Variants in DUSP6 observed in about 807,000 individuals in gnomAD.
DUSP6 encodes the protein dual specificity protein phosphatase 6.
Under a neutral mutation model 28.0 loss-of-function variants are expected in DUSP6, and 6 were observed. The ratio of observed to expected loss-of-function variants is 0.21; its 90% CI spans 0.12 to 0.42. The LOEUF is 0.42. DUSP6 is among the 10% of genes least tolerant of loss of function. The pLI is 1.00. For synonymous variants in DUSP6, 252 were observed against 217.5 expected, an observed-to-expected ratio of 1.16 and a Z score of -1.40; for missense variants, 451 against 498.1, an observed-to-expected ratio of 0.91 and a Z score of 0.90.
In DUSP6 at chr12:89,352,237, C is replaced by T. The variant is rs1879229055; in HGVS notation, c.-198G>A. On this transcript the variant is annotated 5_prime_UTR_variant, in exon 1 of 3. Coordinates refer to ENST00000279488, the MANE Select transcript of DUSP6 (RefSeq NM_001946.4). ...GGTTCTCTCTGCACCCAGCTGCAGC[C>T]GCTGGCTCTTAGTGTCAATGAATCT... is the stretch of plus-strand genomic sequence containing the variant. The T allele has an allele frequency of 2.9e-5, 21 of 728,100 alleles. No homozygotes were observed. The highest frequency in any genetic ancestry group is 4.0e-4 in the Middle Eastern group (1 of 2,486). 45.1% of individuals were successfully genotyped at this position (728,100 alleles called of 1,614,324 possible). A position where few individuals can be genotyped will look rare whatever the true frequency, so the allele number is the denominator to read the frequency against.
At chr12:89,351,133 C>A (rs1332541473) in intron 1 of DUSP6, 108 bp from the exon 2 acceptor site, 23 of 1,178,724 alleles carry the variant, frequency 2.0e-5, no homozygotes, top group Non-Finnish European at 2.6e-5. Context: ...TCCTACGAAC[C>A]CCCTACATAC....
intron 2 of DUSP6, among the ~76,000 whole-genome samples, chr12:89,349,831 G>A (rs1297587712): frequency 6.6e-6 from 1 of 152,228 alleles, no homozygotes; most frequent in African/African-American, 2.4e-5. Flanking sequence ...GCCTCGGCAT[G>A]TGAATACCAG....
At position 89,349,110 on chromosome 12, in the gene DUSP6, G is replaced by T; in HGVS notation, c.*144C>A. The T allele has an allele frequency of 1.2e-6, 1 of 843,284 alleles. No homozygotes were observed. The highest frequency in any genetic ancestry group is 1.8e-6 in the Non-Finnish European group (1 of 546,866). The allele number at this position is 843,284 out of a possible 1,614,324, so 52.2% of individuals were successfully genotyped here. A position where few individuals can be genotyped will look rare whatever the true frequency, so the allele number is the denominator to read the frequency against. ...CTCTCTGTTAGTATTAACCAATTCC[G>T]CACTTGGTAACCTTGTCTAGTACAG... On this transcript the variant is annotated 3_prime_UTR_variant, in exon 3 of 3. Coordinates refer to ENST00000279488, the MANE Select transcript of DUSP6 (RefSeq NM_001946.4).
At chr12:89,351,492 C>G in intron 1 of DUSP6, 148 bp downstream of exon 1, 1 of 1,332,862 alleles carries the variant, frequency 7.5e-7, no homozygotes, top group Non-Finnish European at 9.9e-7. Context: ...GTTCGCGGCC[C>G]CTACCTCGCC....
At chr12:89,351,458 C>T (rs1031560498) in intron 1 of DUSP6, 182 bp downstream of exon 1, 18 of 1,062,406 alleles carry the variant, frequency 1.7e-5, no homozygotes, top group Non-Finnish European at 2.4e-5. Flanking sequence ...TGAGCCGGCC[C>T]GGTTCTCTGG....
intron 2 of DUSP6, among the ~76,000 whole-genome samples, chr12:89,349,933 A>G (rs1879123670): frequency 6.6e-6 from 1 of 152,234 alleles, no homozygotes; most frequent in South Asian, 2.1e-4. Flanking sequence ...TGCAGCTAAC[A>G]ATGGAGGTAT....
intron 1 of DUSP6, 150 bp downstream of exon 1, chr12:89,351,490 C>A: frequency 7.6e-7 from 1 of 1,311,620 alleles, no homozygotes; most frequent in Non-Finnish European, 1.0e-6. Flanking sequence ...CGGTTCGCGG[C>A]CCCTACCTCG....
Position 89,352,149 on chromosome 12 carries a change from C to T in DUSP6, c.-110G>A. 1 of 1,488,566 alleles carries T rather than the reference C, an allele frequency of 6.7e-7. No individual in the cohort carries two copies. The highest frequency in any genetic ancestry group is 9.0e-7 in the Non-Finnish European group (1 of 1,110,406). The allele number at this position is 1,488,566 out of a possible 1,614,324, so 92.2% of individuals were successfully genotyped here. The stretch of plus-strand genomic sequence containing the variant: ...GCCGCTCTCGGAGCGGGGTTTAATT[C>T]CGCCTCGCCTTACCCAAGCCGAGGC... On this transcript the variant is annotated 5_prime_UTR_variant, in exon 1 of 3. Transcript: ENST00000279488.
In DUSP6 at chr12:89,352,339, T is replaced by C. The variant is rs1443253506; in HGVS notation, c.-300A>G. 2 of 409,578 alleles carry C rather than the reference T, an allele frequency of 4.9e-6. No homozygotes were observed. Among genetic ancestry groups the C allele is most frequent in the Non-Finnish European group, 8.9e-6 (2 of 224,744 alleles). The allele number at this position is 409,578 out of a possible 1,614,324, so 25.4% of individuals were successfully genotyped here. On this transcript the variant is annotated 5_prime_UTR_variant, in exon 1 of 3. Coordinates refer to ENST00000279488, the MANE Select transcript of DUSP6 (RefSeq NM_001946.4). ...CCAATTAATTCGGACTCCGTGCTAC[T>C]GAGAGGGGAGGAAAAAAAGTCTAGC...
At position 89,352,179 on chromosome 12, in the gene DUSP6, G is replaced by T. The variant is rs950062405; in HGVS notation, c.-140C>A. 2.3e-6 allele frequency: 3 copies of T among 1,316,544 alleles called. No individual in the cohort carries two copies. Among genetic ancestry groups the T allele is most frequent in the Middle Eastern group, 2.6e-4 (1 of 3,824 alleles). The allele number at this position is 1,316,544 out of a possible 1,614,324, so 81.6% of individuals were successfully genotyped here. The stretch of plus-strand genomic sequence containing the variant: ...TCGCCTTACCCAAGCCGAGGCTAGC[G>T]GTTGGGGCAGACGAGACAGAAGTAA... On this transcript the variant is annotated 5_prime_UTR_variant, in exon 1 of 3. Coordinates refer to ENST00000279488, the MANE Select transcript of DUSP6 (RefSeq NM_001946.4).
At position 89,352,255 on chromosome 12, in the gene DUSP6, A is replaced by C; in HGVS notation, c.-216T>G. 1.6e-6 allele frequency: 1 copy of C among 639,806 alleles called. No homozygotes were observed. Among genetic ancestry groups the C allele is most frequent in the Non-Finnish European group, 2.7e-6 (1 of 377,074 alleles). 39.6% of individuals were successfully genotyped at this position (639,806 alleles called of 1,614,324 possible). Reference sequence around the variant, plus strand: ...CTGCAGCCGCTGGCTCTTAGTGTCAATGAATCTCTCTCAATGAAGCTGCCC... The same window carrying C: ...CTGCAGCCGCTGGCTCTTAGTGTCACTGAATCTCTCTCAATGAAGCTGCCC... On this transcript the variant is annotated 5_prime_UTR_variant, in exon 1 of 3. Coordinates refer to ENST00000279488, the MANE Select transcript of DUSP6 (RefSeq NM_001946.4).
In DUSP6 at chr12:89,351,683, G is replaced by C; in HGVS notation, c.357C>G (p.Leu119=). The change falls in exon 1 of 3, where the codon CTC becomes CTG. Residue 119 remains leucine (L), a synonymous_variant. Coordinates refer to ENST00000279488, the MANE Select transcript of DUSP6 (RefSeq NM_001946.4). ...GGCAGCCCTCGTCCTTGAGCTTCTT[G>C]AGCAGCAGCCCGAGCACCGACTCGC... ...TGGESVLGLL[L]KKLKDEGCRA... 1 of 1,607,774 alleles carries C rather than the reference G, an allele frequency of 6.2e-7. No homozygotes were observed. The highest frequency in any genetic ancestry group is 8.5e-7 in the Non-Finnish European group (1 of 1,177,780).
chr12:89,352,091 C>T lies in DUSP6; in HGVS notation c.-52G>A. The stretch of plus-strand genomic sequence containing the variant: ...GGTGCCTACCAGACGCCCCTCGGGG[C>T]AGGCATAGGCCGAGCGCACCGCGCG... On this transcript the variant is annotated 5_prime_UTR_variant, in exon 1 of 3. Coordinates refer to ENST00000279488, the MANE Select transcript of DUSP6 (RefSeq NM_001946.4). The T allele has an allele frequency of 1.3e-6, 2 of 1,555,742 alleles. No individual in the cohort carries two copies. Among genetic ancestry groups the T allele is most frequent in the Non-Finnish European group, 1.7e-6 (2 of 1,148,598 alleles).
Position 89,348,012 on chromosome 12 carries a change from A to C in DUSP6, c.*1242T>G, listed in dbSNP as rs888846839. On this transcript the variant is annotated 3_prime_UTR_variant, in exon 3 of 3. Transcript: ENST00000279488. Reference sequence around the variant, plus strand: ...CAATCCCTGAATGAAAAAGTTCTAAAATGTGTCACTTCACACATAGGTATA... The same window carrying C: ...CAATCCCTGAATGAAAAAGTTCTAACATGTGTCACTTCACACATAGGTATA... 1.3e-5 allele frequency: 2 copies of C among 152,564 alleles called. No individual in the cohort carries two copies. The highest frequency in any genetic ancestry group is 4.8e-5 in the African/African-American group (2 of 41,442). 9.5% of individuals were successfully genotyped at this position (152,564 alleles called of 1,614,324 possible).
At position 89,350,838 on chromosome 12, in the gene DUSP6, A is replaced by G. The variant is rs2120500749; in HGVS notation, c.588T>C (p.Gly196=). Residue 196 remains glycine (G), a synonymous_variant, in exon 2 of 3, where the codon GGT becomes GGC. Coordinates refer to ENST00000279488, the MANE Select transcript of DUSP6 (RefSeq NM_001946.4). ...AAGGCTGGCTGTTGGACAGCGGACT[A>G]CCATCCGAGTCTGTTGCACTATTGG... ...RDPNSATDSD[G]SPLSNSQPSF... is the part of the protein sequence containing the mutation. 5 of 1,614,084 alleles carry G rather than the reference A, an allele frequency of 3.1e-6. No individual in the cohort carries two copies. In the South Asian group the frequency reaches 4.4e-5, roughly 14 times the overall value.
At position 89,347,827 on chromosome 12, in the gene DUSP6, TATACTC is replaced by T. The variant is rs1162647508; in HGVS notation, c.*1421_*1426del. 1 of 152,240 alleles carries T rather than the reference TATACTC, an allele frequency of 6.6e-6. No homozygotes were observed. The highest frequency in any genetic ancestry group is 1.5e-5 in the Non-Finnish European group (1 of 68,054). The allele number at this position is 152,240 out of a possible 1,614,324, so 9.4% of individuals were successfully genotyped here. A position where few individuals can be genotyped will look rare whatever the true frequency, so the allele number is the denominator to read the frequency against. On this transcript the variant is annotated 3_prime_UTR_variant, in exon 3 of 3. Coordinates refer to ENST00000279488, the MANE Select transcript of DUSP6 (RefSeq NM_001946.4). The stretch of plus-strand genomic sequence containing the variant: ...GGGCTTTAAAATCTTAAGCCGGAAC[TATACTC>T]ATAAGAGGTATTGTTCATATACACG...
chr12:89,351,597 G>GCCCCTAGCCCTGCC (rs1565875366), intron 1 of DUSP6, 43 bp downstream of exon 1: 1 of 1,535,050 alleles, frequency 6.5e-7, no homozygotes. Context: ...GCAGCCCTGC[G>GCCCCTAGCCCTGCC]CCCCTAGCCC....
intron 1 of DUSP6, 108 bp from the exon 2 acceptor site, chr12:89,351,133 C>T: frequency 8.5e-7 from 1 of 1,178,842 alleles, no homozygotes; most frequent in Non-Finnish European, 1.2e-6. Context: ...TCCTACGAAC[C>T]CCCTACATAC....
At position 89,350,808 on chromosome 12, in the gene DUSP6, G is replaced by A; in HGVS notation, c.618C>T (p.Phe206=). ...AGAGGAAGGGCAAGATCTCCACTGG[G>A]AAGGAAGGCTGGCTGTTGGACAGCG... The part of the protein sequence containing the change: ...GSPLSNSQPS[F]PVEILPFLYL... The change falls in exon 2 of 3, where the codon TTC becomes TTT. Residue 206 remains phenylalanine (F), a synonymous_variant. Coordinates refer to ENST00000279488, the MANE Select transcript of DUSP6 (RefSeq NM_001946.4). 7.4e-6 allele frequency: 12 copies of A among 1,614,128 alleles called. No homozygotes were observed. The highest frequency in any genetic ancestry group is 9.3e-6 in the Non-Finnish European group (11 of 1,180,032).
Sources: gnomAD v4.1 joint callset for allele counts (sites outside exome capture counted in the v4.1 genomes callset) on GRCh38, gnomAD v4.1.1 for gene constraint, MANE v1.5 for transcripts, NCBI Gene and HGNC (gene_info 2026-07-23, HGNC 2026-07-21) for gene names.